Variants in MEGF10 observed in about 807,000 individuals in gnomAD.
MEGF10 encodes the protein multiple EGF like domains 10.
Under a neutral mutation model 147.5 loss-of-function variants are expected in MEGF10, and 86 were observed. The ratio of observed to expected loss-of-function variants is 0.58; its 90% CI spans 0.49 to 0.70. The LOEUF (loss-of-function observed/expected upper bound fraction) is 0.70. Ranked by LOEUF, MEGF10 falls within the 30% of genes least tolerant of loss-of-function variation. The pLI is 0.00. For missense variants in MEGF10, 1,329 were observed against 1,487.3 expected, an observed-to-expected ratio of 0.89 and a Z score of 1.75; for synonymous variants, 478 against 525.5, an observed-to-expected ratio of 0.91 and a Z score of 1.24.
chr5:127,351,310 A>G (rs1322266936), intron 4 of MEGF10, among the ~76,000 whole-genome samples: 1 of 152,058 alleles, frequency 6.6e-6, no homozygotes, highest in Non-Finnish European at 1.5e-5. Context: ...ATATATTTCC[A>G]TTTCTTTAAA....
intron 8 of MEGF10, among the ~76,000 whole-genome samples, chr5:127,407,602 A>G (rs958253566): frequency 2.6e-5 from 4 of 152,162 alleles, no homozygotes; most frequent in African/African-American, 4.8e-5. Context: ...TTATTGCTAT[A>G]TCTTTATTAC....
intron 23 of MEGF10, 142 bp downstream of exon 23, chr5:127,454,752 C>T: frequency 1.5e-6 from 1 of 672,200 alleles, no homozygotes; most frequent in Non-Finnish European, 2.4e-6. Context: ...AGCAAACACA[C>T]AAACATGTGT....
chr5:127,317,136 AAGCTCT>A (rs1760585576), intron 1 of MEGF10, among the ~76,000 whole-genome samples: 1 of 152,222 alleles, frequency 6.6e-6, no homozygotes, highest in Non-Finnish European at 1.5e-5. Flanking sequence ...CCTAAAAGGC[AAGCTCT>A]CAAAAGCTTT....
chr5:127,416,379 G>A (rs995681132), intron 9 of MEGF10, among the ~76,000 whole-genome samples: 4 of 152,126 alleles, frequency 2.6e-5, no homozygotes, highest in African/African-American at 9.7e-5. Context: ...GAGATGCCAT[G>A]TGACTGCTCA....
intron 24 of MEGF10, among the ~76,000 whole-genome samples, chr5:127,455,890 C>T (rs982481452): frequency 2.0e-5 from 3 of 152,106 alleles, no homozygotes; most frequent in Admixed American, 2.0e-4. Context: ...CAGGCACGCA[C>T]TACCACGCCC....
intron 5 of MEGF10, among the ~76,000 whole-genome samples, chr5:127,387,136 A>G (rs1007206447): frequency 1.3e-5 from 2 of 152,190 alleles, no homozygotes; most frequent in African/African-American, 4.8e-5. Context: ...GAGTTCATCT[A>G]TTTTTATCAA....
intron 2 of MEGF10, among the ~76,000 whole-genome samples, chr5:127,335,624 G>A (rs1383055039): frequency 6.6e-6 from 1 of 152,120 alleles, no homozygotes; most frequent in Non-Finnish European, 1.5e-5. Context: ...AAAGTATTTG[G>A]CAGTCATAAT....
intron 9 of MEGF10, among the ~76,000 whole-genome samples, chr5:127,411,358 TTA>T (rs1262001874): frequency 6.6e-6 from 1 of 152,222 alleles, no homozygotes; most frequent in Non-Finnish European, 1.5e-5. Context: ...ATGTAGTGCG[TTA>T]TATAGCAGTT....
intron 1 of MEGF10, among the ~76,000 whole-genome samples, chr5:127,307,234 T>A (rs1157828227): frequency 6.6e-6 from 1 of 152,160 alleles, no homozygotes; most frequent in Non-Finnish European, 1.5e-5. Flanking sequence ...CTGAAAAAAC[T>A]CTTCTGTGCC....
intron 4 of MEGF10, among the ~76,000 whole-genome samples, chr5:127,350,725 T>G (rs950728158): frequency 1.3e-5 from 2 of 152,144 alleles, no homozygotes; most frequent in African/African-American, 4.8e-5. Flanking sequence ...GTAAAACACC[T>G]AGGCCACTTC....
At chr5:127,438,399 C>T in intron 16 of MEGF10, 40 bp from the exon 17 acceptor site, 1 of 1,607,174 alleles carries the variant, frequency 6.2e-7, no homozygotes, top group Non-Finnish European at 8.5e-7. Context: ...TAGTATTGGC[C>T]TCAGAACTCT....
chr5:127,367,034 T>C lies in MEGF10; in HGVS notation c.320-2876T>C, dbSNP rs1762682237. ...TTGATATTAGAGCAGGGTGCTAGGC[T>C]GGCTTGCTCAATCTTACCTTTCTTA... On this transcript the variant is annotated intron_variant, in intron 4 of 24. Coordinates refer to ENST00000503335, the MANE Select transcript of MEGF10 (RefSeq NM_001256545.2). Among the ~76,000 whole-genome samples, 3 of 152,188 alleles carry C rather than the reference T, an allele frequency of 2.0e-5. No individual in the cohort carries two copies. The South Asian group carries it at 6.2e-4, about 31-fold the overall frequency.
At chr5:127,286,626 A>C (rs910148261), upstream of MEGF10, among the ~76,000 whole-genome samples, 4 of 151,932 alleles carry the variant, frequency 2.6e-5, no homozygotes, top group African/African-American at 9.7e-5. Flanking sequence ...ATAAGAAAAA[A>C]ATCTAAAAAT....
chr5:127,370,842 G>A (rs994496606), intron 5 of MEGF10, among the ~76,000 whole-genome samples: 1 of 152,114 alleles, frequency 6.6e-6, no homozygotes, highest in Admixed American at 6.6e-5. Flanking sequence ...AGGAATTAAA[G>A]TGCAACTAAA....
At chr5:127,375,752 T>C (rs1326929935) in intron 5 of MEGF10, among the ~76,000 whole-genome samples, 2 of 152,246 alleles carry the variant, frequency 1.3e-5, no homozygotes, top group African/African-American at 4.8e-5. Context: ...AAAGGCCATA[T>C]GTTATTAATC....
Position 127,460,230 on chromosome 5 carries a change from T to G in MEGF10, c.*2912T>G, listed in dbSNP as rs966452024. On this transcript the variant is annotated 3_prime_UTR_variant, in exon 25 of 25. Transcript: ENST00000503335. Reference sequence around the variant, plus strand: ...CTTAGAAGTTGATGTATCAGAAAATTTATAAGTTATTTGTATTTATATATA... The same window carrying G: ...CTTAGAAGTTGATGTATCAGAAAATGTATAAGTTATTTGTATTTATATATA... 1.6e-4 allele frequency: 25 copies of G among 152,184 alleles called. No homozygotes were observed. The highest frequency in any genetic ancestry group is 5.5e-4 in the African/African-American group (23 of 41,450). The allele number at this position is 152,184 out of a possible 1,614,324, so 9.4% of individuals were successfully genotyped here.
intron 13 of MEGF10, among the ~76,000 whole-genome samples, chr5:127,423,814 C>G (rs1765114064): frequency 2.0e-5 from 3 of 151,846 alleles, no homozygotes; most frequent in Non-Finnish European, 4.4e-5. Flanking sequence ...ATATTTTATT[C>G]CATTCTTTGA....
At chr5:127,436,772 C>T (rs529941930) in intron 16 of MEGF10, among the ~76,000 whole-genome samples, 1 of 152,258 alleles carries the variant, frequency 6.6e-6, no homozygotes, top group South Asian at 2.1e-4. Flanking sequence ...TTGGCAAAAG[C>T]CTTTGCTTCT....
At chr5:127,452,880 T>TC (rs1200065469) in intron 22 of MEGF10, among the ~76,000 whole-genome samples, 4 of 151,904 alleles carry the variant, frequency 2.6e-5, no homozygotes, top group African/African-American at 9.7e-5. Context: ...CGTGTGCCCT[T>TC]CCCCCCAGCT....
Sources: gnomAD v4.1 joint callset for allele counts (sites outside exome capture counted in the v4.1 genomes callset) on GRCh38, gnomAD v4.1.1 for gene constraint, MANE v1.5 for transcripts, NCBI Gene and HGNC (gene_info 2026-07-23, HGNC 2026-07-21) for gene names.